Variants in CTH observed in about 807,000 individuals in gnomAD.
The protein encoded by CTH is cystathionine gamma-lyase.
Under a neutral mutation model 50.6 loss-of-function variants are expected in CTH, and 41 were observed. The ratio of observed to expected loss-of-function variants is 0.81; its 90% CI spans 0.63 to 1.05. The LOEUF is 1.05. CTH is among the 50% of genes least tolerant of loss of function. CTH has a pLI of 0.00. For synonymous variants in CTH, 156 were observed against 168.9 expected, an observed-to-expected ratio of 0.92 and a Z score of 0.59; for missense variants, 470 against 492.6, an observed-to-expected ratio of 0.95 and a Z score of 0.43.
intron 10 of CTH, among the ~76,000 whole-genome samples, chr1:70,436,427 C>T (rs1684600125): frequency 1.3e-5 from 2 of 152,170 alleles, no homozygotes; most frequent in Admixed American, 6.5e-5. Flanking sequence ...TTATTATATG[C>T]TACTATGACC....
Position 70,433,764 on chromosome 1 carries a change from C to A in CTH, c.878-64C>A, listed in dbSNP as rs1684532755. The stretch of plus-strand genomic sequence containing the variant: ...TTAAGTAGACAGTGAAAAATACCAC[C>A]CTCCCCCCCCAAAAATTACATGTTT... On this transcript the variant is annotated intron_variant, in intron 8 of 11. Transcript: ENST00000370938. 2.9e-5 allele frequency: 46 copies of A among 1,607,184 alleles called. No individual in the cohort carries two copies. The South Asian group carries it at 4.9e-4, about 17-fold the overall frequency.
chr1:70,434,253 G>A (rs1215293608), intron 9 of CTH, among the ~76,000 whole-genome samples: 1 of 152,174 alleles, frequency 6.6e-6, no homozygotes, highest in Non-Finnish European at 1.5e-5. Context: ...GAAGTAGTGT[G>A]CAGTTAGTGC....
At chr1:70,427,687 G>C (rs539128064) in intron 5 of CTH, among the ~76,000 whole-genome samples, 1 of 152,142 alleles carries the variant, frequency 6.6e-6, no homozygotes, top group Admixed American at 6.5e-5. Context: ...AAATGTAAAG[G>C]GAAAGATGTT....
chr1:70,411,497 G>C lies in CTH; in HGVS notation c.82G>C (p.Asp28His), dbSNP rs1387194134. 6.2e-7 allele frequency: 1 copy of C among 1,614,182 alleles called. No individual in the cohort carries two copies. The highest frequency in any genetic ancestry group is 2.2e-5 in the East Asian group (1 of 44,876). ...CACGCAGGCGATCCATGTGGGCCAGGATCCAGAGCAATGGACCTCCAGGGC... is the reference window on the plus strand; with the variant it reads ...CACGCAGGCGATCCATGTGGGCCAGCATCCAGAGCAATGGACCTCCAGGGC... ...FATQAIHVGQ[D>H]PEQWTSRAVV... The change falls in exon 1 of 12, where the codon GAT (aspartate) becomes CAT (histidine). Residue 28 changes from aspartate (D) to histidine (H), a missense_variant. Transcript: ENST00000370938.
chr1:70,414,684 G>C (rs2101727131), intron 1 of CTH, among the ~76,000 whole-genome samples: 1 of 152,298 alleles, frequency 6.6e-6, no homozygotes, highest in South Asian at 2.1e-4. Context: ...CGAATCCTTG[G>C]TTCACAATCC....
intron 1 of CTH, among the ~76,000 whole-genome samples, chr1:70,413,340 T>C (rs1292200325): frequency 6.6e-6 from 1 of 151,604 alleles, no homozygotes; most frequent in Non-Finnish European, 1.5e-5. Context: ...CTCGGCTCAC[T>C]GCAACCTCCG....
chr1:70,421,799 C>A, intron 4 of CTH, 124 bp downstream of exon 4: 1 of 982,212 alleles, frequency 1.0e-6, no homozygotes, highest in Non-Finnish European at 1.6e-6. Flanking sequence ...TTGGAAACAT[C>A]AACAAAATTA....
intron 1 of CTH, among the ~76,000 whole-genome samples, chr1:70,413,262 T>TCTTTC (rs1227116378): frequency 7.3e-5 from 11 of 150,130 alleles, no homozygotes; most frequent in African/African-American, 2.7e-4. Flanking sequence ...TTTCTTTCTT[T>TCTTTC]TTTTTTTTTT....
chr1:70,439,075 A>AT (rs750162995), intron 11 of CTH, 26 bp from the exon 12 acceptor site: 1 of 1,605,434 alleles, frequency 6.2e-7, no homozygotes, highest in Non-Finnish European at 8.5e-7. Context: ...TTAATAACAT[A>AT]TTTTTCTTGT....
At chr1:70,435,218 G>A (rs1211030460) in intron 10 of CTH, 41 bp downstream of exon 10, 5 of 1,556,170 alleles carry the variant, frequency 3.2e-6, no homozygotes, top group Middle Eastern at 1.7e-4. Context: ...TAAATTTGAT[G>A]TCAGCTTTAA....
chr1:70,420,441 G>C (rs1024100928), intron 3 of CTH, among the ~76,000 whole-genome samples: 1 of 152,086 alleles, frequency 6.6e-6, no homozygotes, highest in Non-Finnish European at 1.5e-5. Flanking sequence ...TTCTCATAAG[G>C]AGTGCACAAC....
rs759179597 is a variant in CTH at position 70,421,663 on chromosome 1, A to G, written c.444A>G (p.Thr148=). Residue 148 remains threonine, a synonymous_variant, in exon 4 of 12, where the codon ACA becomes ACG. Coordinates refer to ENST00000370938, the MANE Select transcript of CTH (RefSeq NM_001902.6). The part of the protein sequence containing the change: ...SKIKLLEAAI[T]PETKLVWIET... ...TCAAATTACTAGAGGCAGCAATTACACCAGAAACCAAGGTAACTCAGCTCA... is the reference window on the plus strand; with the variant it reads ...TCAAATTACTAGAGGCAGCAATTACGCCAGAAACCAAGGTAACTCAGCTCA... 5 of 1,613,924 alleles carry G rather than the reference A, an allele frequency of 3.1e-6. No homozygotes were observed. The East Asian group carries it at 8.9e-5, about 29-fold the overall frequency.
At position 70,439,237 on chromosome 1, in the gene CTH, G is replaced by T; in HGVS notation, c.*110G>T. On this transcript the variant is annotated 3_prime_UTR_variant, in exon 12 of 12. Transcript: ENST00000370938. The stretch of plus-strand genomic sequence containing the variant: ...AAAATTTTCAAGCGGAAATTTTAAG[G>T]CACCTCATTATCTTTCATAACTGTA... The T allele has an allele frequency of 1.0e-6, 1 of 974,946 alleles. No individual in the cohort carries two copies. The highest frequency in any genetic ancestry group is 1.3e-5 in the South Asian group (1 of 76,758). 60.4% of individuals were successfully genotyped at this position (974,946 alleles called of 1,614,324 possible).
chr1:70,434,066 C>T, intron 9 of CTH, 117 bp downstream of exon 9: 3 of 1,523,620 alleles, frequency 2.0e-6, no homozygotes, highest in East Asian at 2.4e-5. Flanking sequence ...CACTCATAAA[C>T]CTCTTTATCA....
At chr1:70,438,036 C>T (rs1452085705) in intron 10 of CTH, among the ~76,000 whole-genome samples, 1 of 152,152 alleles carries the variant, frequency 6.6e-6, no homozygotes, top group East Asian at 1.9e-4. Flanking sequence ...ATATCTCATT[C>T]TTCTTGGTTT....
intron 5 of CTH, among the ~76,000 whole-genome samples, chr1:70,424,955 T>TA (rs2101743328): frequency 6.6e-6 from 1 of 152,214 alleles, no homozygotes; most frequent in African/African-American, 2.4e-5. Flanking sequence ...CGAGTTCTCT[T>TA]AGAGTGTGTA....
chr1:70,434,090 G>A, intron 9 of CTH, 141 bp downstream of exon 9: 1 of 1,446,880 alleles, frequency 6.9e-7, no homozygotes, highest in Non-Finnish European at 9.3e-7. Context: ...AATGCATTGG[G>A]TTGAAAACAA....
intron 5 of CTH, among the ~76,000 whole-genome samples, chr1:70,427,485 T>G (rs1222855329): frequency 6.6e-6 from 1 of 152,186 alleles, no homozygotes; most frequent in African/African-American, 2.4e-5. Flanking sequence ...TGGTTTTTAT[T>G]TTTCCTTCTC....
At chr1:70,413,500 G>C (rs911202688) in intron 1 of CTH, among the ~76,000 whole-genome samples, 2 of 150,364 alleles carry the variant, frequency 1.3e-5, no homozygotes, top group African/African-American at 4.9e-5. Flanking sequence ...TCCTGACCTC[G>C]TGATTCACCC....
Sources: gnomAD v4.1 joint callset for allele counts (sites outside exome capture counted in the v4.1 genomes callset) on GRCh38, gnomAD v4.1.1 for gene constraint, MANE v1.5 for transcripts, NCBI Gene and HGNC (gene_info 2026-07-23, HGNC 2026-07-21) for gene names.